The following TM9SF2 variants were observed in gnomAD, a reference collection of about 807,000 sequenced individuals.
The protein encoded by TM9SF2 is transmembrane 9 superfamily member 2.
A neutral mutation model predicts 84.9 loss-of-function variants in TM9SF2; 13 were observed. The ratio of observed to expected loss-of-function variants is 0.15; its 90% CI spans 0.10 to 0.24. The LOEUF is 0.24. Ranked by LOEUF, TM9SF2 falls within the 10% of genes least tolerant of loss-of-function variation. The probability of loss-of-function intolerance (pLI) is 1.00; values close to 1 mark genes in which losing one functional copy is unlikely to be tolerated. For missense variants in TM9SF2, 562 were observed against 818.5 expected (o/e 0.69, Z 3.82); for synonymous variants, 273 against 285.8 (o/e 0.96, Z 0.45).
At chr13:99,523,883 A>G (rs2046170769) in intron 3 of TM9SF2, among the ~76,000 whole-genome samples, 1 of 152,248 alleles carries the variant, frequency 6.6e-6, no homozygotes, top group Admixed American at 6.5e-5. Flanking sequence ...GGCTTACTGC[A>G]AAGGTGGATT....
chr13:99,544,337 C>T (rs1264310355), intron 10 of TM9SF2, among the ~76,000 whole-genome samples: 2 of 139,032 alleles, frequency 1.4e-5, no homozygotes, highest in African/African-American at 2.7e-5. Context: ...TGCAAGACTC[C>T]ATCTCAAAAA....
At chr13:99,549,114 G>A (rs1365578514) in intron 11 of TM9SF2, 51 bp from the exon 12 acceptor site, 1 of 1,521,160 alleles carries the variant, frequency 6.6e-7, no homozygotes, top group Non-Finnish European at 9.1e-7. Context: ...TGGATATTTG[G>A]TTTGCTTTAA....
At chr13:99,546,195 C>T (rs182563970) in intron 10 of TM9SF2, among the ~76,000 whole-genome samples, 32 of 152,120 alleles carry the variant, frequency 2.1e-4, no homozygotes, top group African/African-American at 5.5e-4. Context: ...TGGTCATGCA[C>T]GTTTTAGGGG....
At position 99,501,497 on chromosome 13, in the gene TM9SF2, G is replaced by GGGCCGGCTTCCTTTATCTCTGGC; in HGVS notation, c.-105_-83dup. 1 of 1,397,576 alleles carries GGGCCGGCTTCCTTTATCTCTGGC rather than the reference G, an allele frequency of 7.2e-7. No homozygotes were observed. Among genetic ancestry groups the GGGCCGGCTTCCTTTATCTCTGGC allele is most frequent in the Admixed American group, 2.3e-5 (1 of 43,486 alleles). The allele number at this position is 1,397,576 out of a possible 1,614,324, so 86.6% of individuals were successfully genotyped here. ...AGCGCAACCGGAACTAGCCTTCTGG[G>GGGCCGGCTTCCTTTATCTCTGGC]GGCCGGCTTCCTTTATCTCTGGCGG... On this transcript the variant is annotated 5_prime_UTR_variant, in exon 1 of 17. Coordinates refer to ENST00000376387, the MANE Select transcript of TM9SF2 (RefSeq NM_004800.3).
At chr13:99,520,003 T>C in intron 2 of TM9SF2, 33 bp from the exon 3 acceptor site, 3 of 1,597,774 alleles carry the variant, frequency 1.9e-6, no homozygotes, top group Non-Finnish European at 2.6e-6. Flanking sequence ...TCGTTCCCTT[T>C]TATGTGTAAA....
chr13:99,501,796 G>A lies in TM9SF2; in HGVS notation c.171+19G>A, dbSNP rs1201724393. 10 of 1,599,540 alleles carry A rather than the reference G, an allele frequency of 6.3e-6. No homozygotes were observed. Among genetic ancestry groups the A allele is most frequent in the Non-Finnish European group, 8.5e-6 (10 of 1,176,672 alleles). On this transcript the variant is annotated intron_variant, in intron 1 of 16. Coordinates refer to ENST00000376387, the MANE Select transcript of TM9SF2 (RefSeq NM_004800.3). The stretch of plus-strand genomic sequence containing the variant: ...GTGCAAGGTGGGTGAGGCCTGACGA[G>A]CCCTCTGATGCACTGTTGGAAGGGG...
In TM9SF2 at chr13:99,501,759, A is replaced by G. The variant is rs1174066107; in HGVS notation, c.153A>G (p.Lys51=). ...CCGTCAACTTCTGCGACGAAGAAAA[A>G]AAGAGCGACGAGTGCAAGGTGGGTG... ...LAPVNFCDEE[K]KSDECKAEIE... Residue 51 remains lysine (K), a synonymous_variant, in exon 1 of 17, where the codon AAA becomes AAG. Coordinates refer to ENST00000376387, the MANE Select transcript of TM9SF2 (RefSeq NM_004800.3). The G allele has an allele frequency of 6.2e-7, 1 of 1,611,282 alleles. No homozygotes were observed. Among genetic ancestry groups the G allele is most frequent in the Non-Finnish European group, 8.5e-7 (1 of 1,179,460 alleles).
chr13:99,543,492 T>C (rs2046269496), intron 9 of TM9SF2, among the ~76,000 whole-genome samples: 2 of 152,202 alleles, frequency 1.3e-5, no homozygotes, highest in South Asian at 4.1e-4. Context: ...GCCATTTGCT[T>C]ATTGTGGAGA....
At chr13:99,503,479 C>T (rs1438238698) in intron 1 of TM9SF2, among the ~76,000 whole-genome samples, 7 of 152,038 alleles carry the variant, frequency 4.6e-5, no homozygotes, top group Non-Finnish European at 7.4e-5. Context: ...GAGGCCGAGG[C>T]GGGTGGATCA....
intron 3 of TM9SF2, among the ~76,000 whole-genome samples, chr13:99,521,622 A>T (rs1014168899): frequency 3.3e-5 from 5 of 152,222 alleles, no homozygotes; most frequent in African/African-American, 1.2e-4. Context: ...GCCCTGGGGG[A>T]AAAGAAACAT....
Position 99,563,357 on chromosome 13 carries a change from A to T in TM9SF2, c.*599A>T, listed in dbSNP as rs926855547. 3.9e-5 allele frequency: 6 copies of T among 152,200 alleles called. No homozygotes were observed. The highest frequency in any genetic ancestry group is 8.8e-5 in the Non-Finnish European group (6 of 68,022). The allele number at this position is 152,200 out of a possible 1,614,324, so 9.4% of individuals were successfully genotyped here. ...TGTGCCTCTGAGTCTTTCAATTTAT[A>T]AATTTGTTATCTTAATAAATATTAT... On this transcript the variant is annotated 3_prime_UTR_variant, in exon 17 of 17. Transcript: ENST00000376387.
chr13:99,562,451 T>C (rs2046348301), intron 16 of TM9SF2, among the ~76,000 whole-genome samples: 1 of 152,198 alleles, frequency 6.6e-6, no homozygotes, highest in South Asian at 2.1e-4. Context: ...ATAATGTGTA[T>C]TGTAGAAAGC....
chr13:99,507,637 A>G (rs1398725865), intron 1 of TM9SF2, among the ~76,000 whole-genome samples: 3 of 152,194 alleles, frequency 2.0e-5, no homozygotes, highest in East Asian at 1.9e-4. Flanking sequence ...GAGTCCCAGC[A>G]TTGCTTTTGA....
In TM9SF2 at chr13:99,536,602, G is replaced by T; in HGVS notation, c.462-6G>T. ...TTTCTAACTTAACTCCTCTTTCCAT[G>T]TGTAGGATTGTGGATAATATGCCTG... On this transcript the variant is annotated splice_region_variant and splice_polypyrimidine_tract_variant and intron_variant, in intron 4 of 16. Transcript: ENST00000376387. The T allele has an allele frequency of 6.2e-7, 1 of 1,612,566 alleles. No individual in the cohort carries two copies. The highest frequency in any genetic ancestry group is 8.5e-7 in the Non-Finnish European group (1 of 1,179,000).
At chr13:99,505,434 C>A (rs561114714) in intron 1 of TM9SF2, among the ~76,000 whole-genome samples, 2 of 152,202 alleles carry the variant, frequency 1.3e-5, no homozygotes, top group Non-Finnish European at 2.9e-5. Flanking sequence ...GGATTGTAGG[C>A]GTGAGCCACC....
At chr13:99,553,796 C>T (rs1371175524) in intron 13 of TM9SF2, among the ~76,000 whole-genome samples, 2 of 152,158 alleles carry the variant, frequency 1.3e-5, no homozygotes, top group Non-Finnish European at 1.5e-5. Flanking sequence ...TCGAGAACAT[C>T]ACCAACTCCT....
chr13:99,538,868 C>T (rs2046245787), intron 6 of TM9SF2, among the ~76,000 whole-genome samples: 8 of 151,136 alleles, frequency 5.3e-5, no homozygotes, highest in Admixed American at 5.3e-4. Flanking sequence ...TACTGCACAC[C>T]AGCCTGGGTG....
At chr13:99,531,101 T>C (rs1206364541) in intron 4 of TM9SF2, among the ~76,000 whole-genome samples, 3 of 152,094 alleles carry the variant, frequency 2.0e-5, no homozygotes, top group Non-Finnish European at 4.4e-5. Flanking sequence ...CCTTAAGAGA[T>C]CCGCCCCTCT....
At chr13:99,507,653 T>C (rs1295602957) in intron 1 of TM9SF2, among the ~76,000 whole-genome samples, 5 of 152,180 alleles carry the variant, frequency 3.3e-5, no homozygotes, top group Admixed American at 1.3e-4. Context: ...TTTGAGACTT[T>C]TATTGTGCCT....
Sources: gnomAD v4.1 joint callset for allele counts (sites outside exome capture counted in the v4.1 genomes callset) on GRCh38, gnomAD v4.1.1 for gene constraint, MANE v1.5 for transcripts, NCBI Gene and HGNC (gene_info 2026-07-23, HGNC 2026-07-21) for gene names.